The following CCDC57 variants were observed in gnomAD, a reference collection of about 807,000 sequenced individuals.
CCDC57 encodes the protein coiled-coil domain containing 57.
In CCDC57, 118 loss-of-function variants were observed where a neutral mutation model predicts 118.9. The ratio of observed to expected loss-of-function variants is 0.99; its 90% confidence interval spans 0.86 to 1.16. CCDC57 has a LOEUF of 1.16. Ranked by LOEUF, CCDC57 falls within the 50% of genes most tolerant of loss-of-function variation. The pLI is 0.00. For synonymous variants in CCDC57, 527 were observed against 532.9 expected (o/e 0.99, Z 0.15); for missense variants, 1,300 against 1,320.7 (o/e 0.98, Z 0.24).
chr17:82,109,749 C>T lies in CCDC57; in HGVS notation c.2900-7883G>A, dbSNP rs529474303. 5.9e-4 allele frequency among the ~76,000 whole-genome samples: 90 copies of T among 151,320 alleles called. 2 individuals carry two copies. The highest frequency in any genetic ancestry group is 1.6e-3 in the African/African-American group (66 of 41,232). ...GCGGGCACCTGTAGTCCCACTTACT[C>T]GGGAGGCTGAGGCAGGAGAATGGTG... On this transcript the variant is annotated intron_variant, in intron 19 of 19. Transcript: ENST00000665763.
chr17:82,101,602 C>T, exon 20 of CCDC57: 1 of 1,236,858 alleles, frequency 8.1e-7, no homozygotes, highest in Non-Finnish European at 1.1e-6. Flanking sequence ...CCCACACCCC[C>T]CCACAACACG....
At chr17:82,140,172 G>A (rs538407036) in intron 16 of CCDC57, among the ~76,000 whole-genome samples, 1 of 151,970 alleles carries the variant, frequency 6.6e-6, no homozygotes, top group African/African-American at 2.4e-5. Flanking sequence ...TGCAAGCTCC[G>A]CCTCCCCAGT....
chr17:82,126,035 C>G (rs1009163316), intron 19 of CCDC57, among the ~76,000 whole-genome samples: 1 of 152,190 alleles, frequency 6.6e-6, no homozygotes, highest in Admixed American at 6.5e-5. Flanking sequence ...AATCCCAGCA[C>G]TCTGGGAGGC....
In CCDC57 at chr17:82,172,609, C is replaced by T. The variant is rs144290663; in HGVS notation, c.1729+29G>A. On this transcript the variant is annotated intron_variant, in intron 12 of 19. Transcript: ENST00000665763. The surrounding 1 kb of genome is among the most constrained non-coding windows in gnomAD (Gnocchi z 5.2). Reference sequence around the variant, plus strand: ...TCCCTCCCTCTCCCCCTTCCTCTCCCGCTCTGTCCGTTTCTCCCACTTACT... The same window carrying T: ...TCCCTCCCTCTCCCCCTTCCTCTCCTGCTCTGTCCGTTTCTCCCACTTACT... 2,450 of 1,539,634 alleles carry T rather than the reference C, an allele frequency of 1.6e-3. 19 individuals carry two copies. In the African/African-American group the frequency reaches 0.018, roughly 12 times the overall value.
intron 16 of CCDC57, among the ~76,000 whole-genome samples, chr17:82,143,461 G>T (rs2040285143): frequency 7.0e-6 from 1 of 142,038 alleles, no homozygotes; most frequent in East Asian, 2.4e-4. Context: ...GAAAGGGGGA[G>T]GGGTGCTCTT....
intron 16 of CCDC57, among the ~76,000 whole-genome samples, chr17:82,148,563 A>G (rs1169504076): frequency 4.8e-5 from 2 of 41,820 alleles, no homozygotes; most frequent in African/African-American, 9.4e-5. Flanking sequence ...ATGGATAGAT[A>G]GGTGGGTGGA....
At chr17:82,142,192 T>C (rs2040099295) in intron 16 of CCDC57, among the ~76,000 whole-genome samples, 1 of 152,210 alleles carries the variant, frequency 6.6e-6, no homozygotes, top group Non-Finnish European at 1.5e-5. Flanking sequence ...TTTTAACGCA[T>C]AGTTAAATAA....
At chr17:82,160,962 G>A (rs757133696) in intron 14 of CCDC57, among the ~76,000 whole-genome samples, 2 of 151,376 alleles carry the variant, frequency 1.3e-5, no homozygotes, top group African/African-American at 4.9e-5. Context: ...ATCTAATAAG[G>A]GACTTGTATC....
intron 2 of CCDC57, among the ~76,000 whole-genome samples, chr17:82,204,787 A>G (rs896739921): frequency 6.6e-6 from 1 of 151,368 alleles, no homozygotes; most frequent in Non-Finnish European, 1.5e-5. Flanking sequence ...CATCTCAAGA[A>G]AAAAAAAAGG....
At chr17:82,143,932 T>A (rs2040366881) in intron 16 of CCDC57, among the ~76,000 whole-genome samples, 3 of 122,020 alleles carry the variant, frequency 2.5e-5, no homozygotes, top group South Asian at 2.9e-4. Context: ...AACCTGTCTC[T>A]ACTAAAAATA....
At chr17:82,171,937 G>A (rs911927713) in intron 12 of CCDC57, 84 bp from the exon 12 acceptor site, 26 of 1,467,618 alleles carry the variant, frequency 1.8e-5, no homozygotes, top group Admixed American at 1.4e-4. Flanking sequence ...TCAGGGAGCC[G>A]ATGCCAGCTC....
At chr17:82,108,070 C>A (rs2144895819) in intron 19 of CCDC57, among the ~76,000 whole-genome samples, 1 of 152,346 alleles carries the variant, frequency 6.6e-6, no homozygotes, top group South Asian at 2.1e-4. Flanking sequence ...TGCCTCCTTG[C>A]CTCTGTCCAC....
At chr17:82,113,423 G>A in intron 19 of CCDC57, 1 of 717,688 alleles carries the variant, frequency 1.4e-6, no homozygotes, top group African/African-American at 1.7e-5. Flanking sequence ...AACGACAGGA[G>A]CAGGTAGTGA....
At chr17:82,102,984 C>G (rs906887593) in intron 19 of CCDC57, among the ~76,000 whole-genome samples, 5 of 152,176 alleles carry the variant, frequency 3.3e-5, no homozygotes, top group African/African-American at 9.6e-5. Context: ...AGGACTCCAG[C>G]ACGTGGCTGA....
chr17:82,174,241 G>A (rs2146302899), intron 11 of CCDC57, among the ~76,000 whole-genome samples: 1 of 152,340 alleles, frequency 6.6e-6, no homozygotes, highest in East Asian at 1.9e-4. Context: ...GTGCTCCCTG[G>A]CAAGGCCAGC....
In CCDC57 at chr17:82,188,278, G is replaced by C. The variant is rs201504809; in HGVS notation, c.993C>G (p.Leu331=). ...CAGCCTGTCTCCACTCTGCCCTGCG[G>C]AGCTGCGCCTCGAGGGTCTCGCAGT... The change falls in exon 8 of 20, where the codon CTC becomes CTG. Residue 331 remains leucine, a synonymous_variant. Coordinates refer to ENST00000665763, the Ensembl canonical transcript of CCDC57. 3.4e-3 allele frequency: 5,380 copies of C among 1,580,982 alleles called. 59 individuals carry two copies. The highest frequency in any genetic ancestry group is 2.4e-3 in the Admixed American group (131 of 55,126).
At chr17:82,179,651 C>T (rs986524547) in intron 9 of CCDC57, among the ~76,000 whole-genome samples, 30 of 152,022 alleles carry the variant, frequency 2.0e-4, no homozygotes, top group African/African-American at 7.0e-4. Flanking sequence ...GAGAGCCCCC[C>T]GAGCGAGTGC....
chr17:82,188,394 T>G (rs1689445144), exon 8 of CCDC57: 2 of 1,611,740 alleles, frequency 1.2e-6, no homozygotes, highest in Middle Eastern at 1.6e-4. Context: ...TCCTTCTCCC[T>G]GGCCAGACGG....
intron 13 of CCDC57, among the ~76,000 whole-genome samples, chr17:82,163,753 A>T (rs1484332188): frequency 6.6e-6 from 1 of 152,254 alleles, no homozygotes; most frequent in East Asian, 1.9e-4. Flanking sequence ...TGGAAAGATA[A>T]CAACAATACT....
Sources: allele counts gnomAD v4.1 joint callset (sites outside exome capture counted in the v4.1 genomes callset), GRCh38; gene constraint gnomAD v4.1.1; non-coding constraint Gnocchi (gnomAD v3.1); transcripts MANE v1.5; gene names NCBI Gene and HGNC (gene_info 2026-07-23, HGNC 2026-07-21).